Variants in SHC2 observed in about 807,000 individuals in gnomAD.
The protein encoded by SHC2 is SHC adaptor protein 2.
In SHC2, 62 loss-of-function variants were observed where a neutral mutation model predicts 60.6. The observed-to-expected ratio is 1.02, with a 90% CI of 0.83 to 1.26. The LOEUF (loss-of-function observed/expected upper bound fraction) is 1.26. SHC2 is among the 50% of genes most tolerant of loss of function. SHC2 has a pLI of 0.00. For missense variants in SHC2, 873 were observed against 822.2 expected (o/e 1.06, Z -0.76); for synonymous variants, 375 against 372.4 (o/e 1.01, Z -0.08).
At chr19:418,120 T>C (rs1025859486) in intron 12 of SHC2, among the ~76,000 whole-genome samples, 3 of 151,470 alleles carry the variant, frequency 2.0e-5, no homozygotes, top group African/African-American at 7.3e-5. Context: ...CTACCATGGG[T>C]CCCCCCGGGC....
intron 7 of SHC2, 84 bp downstream of exon 7, chr19:436,081 G>C: frequency 6.9e-7 from 1 of 1,451,306 alleles, no homozygotes; most frequent in South Asian, 1.2e-5. Context: ...CGGAGGCTGA[G>C]GCCTGCAGGA....
At chr19:457,687 C>T (rs1975382585) in intron 1 of SHC2, among the ~76,000 whole-genome samples, 1 of 152,200 alleles carries the variant, frequency 6.6e-6, no homozygotes, top group Non-Finnish European at 1.5e-5. Flanking sequence ...GCAGTTATCC[C>T]CCAACATCCG....
intron 9 of SHC2, among the ~76,000 whole-genome samples, chr19:428,234 C>G (rs1223656399): frequency 6.6e-6 from 1 of 152,206 alleles, no homozygotes; most frequent in Non-Finnish European, 1.5e-5. Context: ...AAACAAAAAG[C>G]CAAAGCTCGA....
chr19:437,681 T>A (rs1870937613), intron 4 of SHC2, among the ~76,000 whole-genome samples: 1 of 151,928 alleles, frequency 6.6e-6, no homozygotes, highest in Admixed American at 6.6e-5. Flanking sequence ...CCCCGCCAGC[T>A]CCATCCTTCT....
rs1974837227 is a variant in SHC2, at chr19:440,520, A to C, written c.539+342T>G. ...TAGCATCCTGAGGTCACCGTGTGGA[A>C]AACAGAGCAGGGACACGGAGACGCC... On this transcript the variant is annotated intron_variant, in intron 2 of 12. Transcript: ENST00000264554. This position sits in a 1 kb window ranked among gnomAD's most constrained non-coding sequence, Gnocchi z 7.0. Among the ~76,000 whole-genome samples the C allele has an allele frequency of 6.6e-6, 1 of 152,174 alleles. No individual in the cohort carries two copies. The highest frequency in any genetic ancestry group is 2.1e-4 in the South Asian group (1 of 4,826).
chr19:430,631 T>C, intron 9 of SHC2, 53 bp downstream of exon 9: 1 of 1,488,390 alleles, frequency 6.7e-7, no homozygotes, highest in Non-Finnish European at 9.3e-7. Context: ...AGGACAGGGC[T>C]GAGGAGCCCC....
At position 425,982 on chromosome 19, in the gene SHC2, T is replaced by C. The variant is rs545367488; in HGVS notation, c.1175-751A>G. Among the ~76,000 whole-genome samples, 31 of 151,286 alleles carry C rather than the reference T, an allele frequency of 2.0e-4. No homozygotes were observed. The highest frequency in any genetic ancestry group is 3.8e-4 in the Non-Finnish European group (26 of 67,890). ...ACGCACAGATTGCAGTGAGCTGAGA[T>C]TGTGCCATTGCAGTCCAGCCTGGGC... On this transcript the variant is annotated intron_variant, in intron 9 of 12. Coordinates refer to ENST00000264554, the MANE Select transcript of SHC2 (RefSeq NM_012435.3). The surrounding 1 kb of genome is among the most constrained non-coding windows in gnomAD (Gnocchi z 4.1).
In SHC2 at chr19:437,122, A is replaced by C. The variant is rs545083321; in HGVS notation, c.721-439T>G. On this transcript the variant is annotated intron_variant, in intron 4 of 12. Transcript: ENST00000264554. ...CACGTGCAAGGGCACCTGTGAGTGC[A>C]TTTGCATGCTTATCTGCATGCTCAT... is the stretch of plus-strand genomic sequence containing the variant. Among the ~76,000 whole-genome samples the C allele has an allele frequency of 3.9e-5, 6 of 152,268 alleles. No individual in the cohort carries two copies. The South Asian group carries it at 1.2e-3, about 32-fold the overall frequency.
chr19:454,750 A>G (rs1294917262), intron 1 of SHC2, among the ~76,000 whole-genome samples: 2 of 151,982 alleles, frequency 1.3e-5, no homozygotes, highest in East Asian at 1.9e-4. Context: ...AGATCGCGCC[A>G]CGGCACTCCA....
chr19:430,796 C>G, intron 8 of SHC2, 49 bp from the exon 9 acceptor site: 6 of 1,576,606 alleles, frequency 3.8e-6, no homozygotes, highest in Non-Finnish European at 5.2e-6. Context: ...AGCCCCTCTT[C>G]CTGGCTCTGG....
chr19:440,836 C>A lies in SHC2; in HGVS notation c.539+26G>T. The A allele has an allele frequency of 6.2e-7, 1 of 1,603,266 alleles. No homozygotes were observed. Among genetic ancestry groups the A allele is most frequent in the Admixed American group, 1.7e-5 (1 of 60,000 alleles). ...CTCCAGTGCGTCACTCAGCCCTACG[C>A]GGCCAGGGCAGGGTTGGAGGCTCAC... On this transcript the variant is annotated intron_variant, in intron 2 of 12. Coordinates refer to ENST00000264554, the MANE Select transcript of SHC2 (RefSeq NM_012435.3). This position sits in a 1 kb window ranked among gnomAD's most constrained non-coding sequence, Gnocchi z 7.0.
At chr19:428,505 C>G (rs1004304364) in intron 9 of SHC2, among the ~76,000 whole-genome samples, 3 of 152,142 alleles carry the variant, frequency 2.0e-5, no homozygotes, top group African/African-American at 7.2e-5. Flanking sequence ...GCCCCATGGA[C>G]ACAGCAAGGT....
At chr19:430,573 T>A in intron 9 of SHC2, 111 bp downstream of exon 9, 1 of 797,290 alleles carries the variant, frequency 1.3e-6, no homozygotes, top group Non-Finnish European at 2.0e-6. Context: ...ATCTCATAGA[T>A]TAATGTGAAA....
intron 1 of SHC2, among the ~76,000 whole-genome samples, chr19:456,111 C>G (rs1975336195): frequency 6.6e-6 from 1 of 152,222 alleles, no homozygotes; most frequent in African/African-American, 2.4e-5. Flanking sequence ...CTCGGCCTCT[C>G]TGTGCCTCAG....
chr19:458,818 C>T (rs1293004578), intron 1 of SHC2, among the ~76,000 whole-genome samples: 4 of 132,518 alleles, frequency 3.0e-5, no homozygotes, highest in Non-Finnish European at 4.9e-5. Context: ...GGAAGCGGGT[C>T]TTGGGGAGGC....
intron 1 of SHC2, among the ~76,000 whole-genome samples, chr19:450,507 C>T (rs111276455): frequency 0.033 from 5,056 of 152,290 alleles, 278 homozygotes; most frequent in African/African-American, 0.11. Context: ...TACTCCCCGT[C>T]CCCTCCCCAG....
intron 8 of SHC2, among the ~76,000 whole-genome samples, 178 bp downstream of exon 8, chr19:434,527 TGTGA>T (rs1208344060): frequency 7.1e-3 from 6 of 846 alleles, no homozygotes; most frequent in Non-Finnish European, 0.016. Flanking sequence ...CCTGTGAGAT[TGTGA>T]GTGAGATTGT....
chr19:434,252 ATGAG>A (rs1181605275), intron 8 of SHC2, among the ~76,000 whole-genome samples: 4 of 3,002 alleles, frequency 1.3e-3, no homozygotes, highest in Admixed American at 0.013. Flanking sequence ...GAGTGAGATC[ATGAG>A]TGAGTGAGAT....
chr19:421,884 C>G (rs550413653), intron 11 of SHC2, among the ~76,000 whole-genome samples: 1 of 152,166 alleles, frequency 6.6e-6, no homozygotes, highest in South Asian at 2.1e-4. Flanking sequence ...CAGTCCAGCC[C>G]GGGTGACAGA....
Sources: gnomAD v4.1 joint callset for allele counts (sites outside exome capture counted in the v4.1 genomes callset) on GRCh38, gnomAD v4.1.1 for gene constraint, Gnocchi (gnomAD v3.1) non-coding constraint, MANE v1.5 for transcripts, NCBI Gene and HGNC (gene_info 2026-07-23, HGNC 2026-07-21) for gene names.